The following PKNOX2 variants were observed in gnomAD, a reference collection of about 807,000 sequenced individuals.
PKNOX2 encodes homeobox protein PKNOX2.
Under a neutral mutation model 53.1 loss-of-function variants are expected in PKNOX2, and 14 were observed. The observed-to-expected ratio is 0.26, with a 90% confidence interval of 0.17 to 0.41. The LOEUF (loss-of-function observed/expected upper bound fraction) is 0.41, where lower values mean the gene tolerates loss of function less well. Among genes scored for constraint, PKNOX2 ranks in the 10% least tolerant of loss-of-function variants. The pLI is 1.00. For synonymous variants in PKNOX2, 257 were observed against 242.8 expected (o/e 1.06, Z -0.54); for missense variants, 496 against 602.8 (o/e 0.82, Z 1.85).
At chr11:125,349,673 C>T (rs115138082) in intron 3 of PKNOX2, among the ~76,000 whole-genome samples, 3,835 of 152,262 alleles carry the variant, frequency 0.025, 167 homozygotes, top group African/African-American at 0.082. Flanking sequence ...ACCACACTCC[C>T]CACACTGTTC....
intron 10 of PKNOX2, among the ~76,000 whole-genome samples, chr11:125,421,312 G>C (rs1366551373): frequency 6.6e-6 from 1 of 152,186 alleles, no homozygotes; most frequent in Admixed American, 6.5e-5. Flanking sequence ...TTCAGAGGGG[G>C]CAGGCAGGAT....
In PKNOX2 at chr11:125,351,392, G is replaced by A. The variant is rs1341427141; in HGVS notation, c.87G>A (p.Gln29=). Reference sequence around the variant, plus strand: ...CCCCACCCTACCAGGACAGCCCACAGGTGAGTGCGCAGGGGCCGCTGCCTC... The same window carrying A: ...CCCCACCCTACCAGGACAGCCCACAAGTGAGTGCGCAGGGGCCGCTGCCTC... ...VPPPPYQDSP[Q]MTATAQPPSK... The change falls in exon 4 of 13, where the codon CAG becomes CAA. Residue 29 remains glutamine, a splice_region_variant and synonymous_variant. Coordinates refer to ENST00000298282, the MANE Select transcript of PKNOX2 (RefSeq NM_001382323.2). 1.3e-6 allele frequency: 2 copies of A among 1,597,608 alleles called. No individual in the cohort carries two copies. The highest frequency in any genetic ancestry group is 8.6e-7 in the Non-Finnish European group (1 of 1,167,184).
In PKNOX2 at chr11:125,277,777, G is replaced by A. The variant is rs969033741; in HGVS notation, c.-130+42662G>A. 7.9e-5 allele frequency: 12 copies of A among 152,250 alleles called. No homozygotes were observed. The East Asian group carries it at 1.2e-3, about 15-fold the overall frequency. The allele number at this position is 152,250 out of a possible 1,614,324, so 9.4% of individuals were successfully genotyped here. A position where few individuals can be genotyped will look rare whatever the true frequency, so the allele number is the denominator to read the frequency against. On this transcript the variant is annotated intron_variant, in intron 2 of 12. Coordinates refer to ENST00000298282, the MANE Select transcript of PKNOX2 (RefSeq NM_001382323.2). Reference sequence around the variant, plus strand: ...ATAGCTAGAAGAGAAGAATTATAGCGTTCCCAACAGAAAGGAAAGATAAAT... The same window carrying A: ...ATAGCTAGAAGAGAAGAATTATAGCATTCCCAACAGAAAGGAAAGATAAAT...
At chr11:125,412,231 C>T (rs916790570) in intron 10 of PKNOX2, among the ~76,000 whole-genome samples, 13 of 152,094 alleles carry the variant, frequency 8.5e-5, no homozygotes, top group African/African-American at 1.2e-4. Flanking sequence ...CTCCCCCTGC[C>T]GCAGCCACGC....
At chr11:125,270,268 G>A (rs1006793541) in intron 2 of PKNOX2, among the ~76,000 whole-genome samples, 10 of 152,318 alleles carry the variant, frequency 6.6e-5, no homozygotes, top group African/African-American at 2.2e-4. Context: ...CGAATGACTG[G>A]CATCGGCATT....
chr11:125,255,927 A>C (rs537109994), intron 2 of PKNOX2, among the ~76,000 whole-genome samples: 1 of 151,824 alleles, frequency 6.6e-6, no homozygotes, highest in African/African-American at 2.4e-5. Context: ...AGGCTACCTC[A>C]GTTTTCACCA....
intron 10 of PKNOX2, among the ~76,000 whole-genome samples, chr11:125,427,088 A>G (rs1956468679): frequency 6.6e-6 from 1 of 152,226 alleles, no homozygotes. Context: ...CCAGCTGGCT[A>G]TGGACAGGGA....
rs779836215 is a variant in PKNOX2 at position 125,422,213 on chromosome 11, G to T, written c.937-6799G>T. 2.6e-5 allele frequency among the ~76,000 whole-genome samples: 4 copies of T among 152,088 alleles called. No individual in the cohort carries two copies. Among genetic ancestry groups the T allele is most frequent in the Non-Finnish European group, 4.4e-5 (3 of 68,020 alleles). On this transcript the variant is annotated intron_variant, in intron 10 of 12. Transcript: ENST00000298282. This position sits in a 1 kb window ranked among gnomAD's most constrained non-coding sequence, Gnocchi z 4.1. ...CCCTTATTCTCACTCTTGAAACCTG[G>T]GAACACTGTGGCCCCTTACCCCAGC...
At position 125,306,325 on chromosome 11, in the gene PKNOX2, C is replaced by T. The variant is rs1303816566; in HGVS notation, c.-129-25494C>T. On this transcript the variant is annotated intron_variant, in intron 2 of 12. Coordinates refer to ENST00000298282, the MANE Select transcript of PKNOX2 (RefSeq NM_001382323.2). ...GCTAAAGATATTCCACCCACTGGAG[C>T]GCTACCAGGGCAGCCCCCCACCCCC... 3.3e-5 allele frequency among the ~76,000 whole-genome samples: 5 copies of T among 152,136 alleles called. No individual in the cohort carries two copies. The South Asian group carries it at 8.3e-4, about 25-fold the overall frequency.
chr11:125,233,752 T>A (rs73617590), intron 1 of PKNOX2, among the ~76,000 whole-genome samples: 4,515 of 152,322 alleles, frequency 0.03, 209 homozygotes, highest in African/African-American at 0.1. Flanking sequence ...CTACACCCCA[T>A]GCCTGAATCT....
intron 5 of PKNOX2, 124 bp downstream of exon 5, chr11:125,368,109 C>G: frequency 1.7e-6 from 2 of 1,200,982 alleles, no homozygotes; most frequent in Non-Finnish European, 2.2e-6. Context: ...GCTATTCTCC[C>G]TTGGCCTCCT....
chr11:125,186,294 C>T (rs1956444676), intron 1 of PKNOX2, among the ~76,000 whole-genome samples: 1 of 152,162 alleles, frequency 6.6e-6, no homozygotes, highest in African/African-American at 2.4e-5. Context: ...GGATATTAAA[C>T]CCTTATCAGG....
chr11:125,216,806 C>T (rs1313948067), intron 1 of PKNOX2, among the ~76,000 whole-genome samples: 1 of 152,158 alleles, frequency 6.6e-6, no homozygotes, highest in Non-Finnish European at 1.5e-5. Flanking sequence ...AGTAACAGAG[C>T]TGGTACCACT....
intron 10 of PKNOX2, among the ~76,000 whole-genome samples, chr11:125,417,762 C>A (rs1485838194): frequency 6.6e-6 from 1 of 152,028 alleles, no homozygotes; most frequent in Admixed American, 6.5e-5. Flanking sequence ...CATGTCCAGT[C>A]CCGGTCTTCA....
chr11:125,424,974 C>T (rs530677396), intron 10 of PKNOX2, among the ~76,000 whole-genome samples: 15 of 152,218 alleles, frequency 9.9e-5, no homozygotes, highest in Middle Eastern at 3.4e-3. Context: ...CAGATTTCAG[C>T]GGAACTTCCT....
intron 10 of PKNOX2, among the ~76,000 whole-genome samples, chr11:125,425,279 T>C (rs1956355043): frequency 1.3e-5 from 2 of 152,346 alleles, no homozygotes; most frequent in Non-Finnish European, 2.9e-5. Flanking sequence ...CTTGATCCCA[T>C]CTCTGAAGGT....
At chr11:125,251,785 A>AATATATATATATATATTATATTTAT (rs61255158) in intron 2 of PKNOX2, among the ~76,000 whole-genome samples, 1 of 146,226 alleles carries the variant, frequency 6.8e-6, no homozygotes, top group South Asian at 2.1e-4. Context: ...ATATTATATA[A>AATATATATATATATATTATATTTAT]ATATATATAT....
intron 2 of PKNOX2, among the ~76,000 whole-genome samples, chr11:125,313,280 C>T (rs1948944303): frequency 6.6e-6 from 1 of 152,148 alleles, no homozygotes; most frequent in Admixed American, 6.6e-5. Flanking sequence ...CAGGAGGGAG[C>T]TGCTGGAGTC....
At chr11:125,264,871 A>G (rs1945186260) in intron 2 of PKNOX2, among the ~76,000 whole-genome samples, 1 of 152,146 alleles carries the variant, frequency 6.6e-6, no homozygotes, top group South Asian at 2.1e-4. Context: ...CCCTGGCCCC[A>G]TCTGTGAAAT....
Sources: allele counts gnomAD v4.1 joint callset (sites outside exome capture counted in the v4.1 genomes callset), GRCh38; gene constraint gnomAD v4.1.1; non-coding constraint Gnocchi (gnomAD v3.1); transcripts MANE v1.5; gene names NCBI Gene and HGNC (gene_info 2026-07-23, HGNC 2026-07-21).